Variants in FTO observed in about 807,000 individuals in gnomAD.
FTO encodes the protein FTO alpha-ketoglutarate dependent dioxygenase, also known as alpha-ketoglutarate-dependent dioxygenase FTO.
FTO carries 47 observed loss-of-function variants against 63.9 expected under a neutral mutation model. The ratio of observed to expected loss-of-function variants is 0.74; its 90% CI spans 0.58 to 0.94. The LOEUF is 0.94. FTO is among the 40% of genes least tolerant of loss of function. The pLI is 0.00. For synonymous variants in FTO, 207 were observed against 224.4 expected (o/e 0.92, Z 0.69); for missense variants, 562 against 618.1 (o/e 0.91, Z 0.96).
chr16:53,804,504 A>C (rs1243698693), intron 1 of FTO, among the ~76,000 whole-genome samples: 1 of 152,162 alleles, frequency 6.6e-6, no homozygotes, highest in African/African-American at 2.4e-5. Flanking sequence ...TGGAGAGGGA[A>C]GTTTTTCGTA....
At chr16:54,093,339 T>C (rs2086438809) in intron 8 of FTO, among the ~76,000 whole-genome samples, 1 of 152,204 alleles carries the variant, frequency 6.6e-6, no homozygotes, top group African/African-American at 2.4e-5. Context: ...TAATGGAGCC[T>C]CCGTAAAGTA....
At chr16:53,745,762 G>A (rs74018198) in intron 1 of FTO, among the ~76,000 whole-genome samples, 90 of 152,210 alleles carry the variant, frequency 5.9e-4, no homozygotes, top group African/African-American at 2.1e-3. Flanking sequence ...TGAGGGTTCC[G>A]TTGCTTTGGA....
In FTO at chr16:53,960,135, A is replaced by G. The variant is rs537681642; in HGVS notation, c.1364+26026A>G. 5.9e-5 allele frequency among the ~76,000 whole-genome samples: 9 copies of G among 152,280 alleles called. No individual in the cohort carries two copies. The South Asian group carries it at 1.7e-3, about 28-fold the overall frequency. On this transcript the variant is annotated intron_variant, in intron 8 of 8. Coordinates refer to ENST00000471389, the MANE Select transcript of FTO (RefSeq NM_001080432.3). The stretch of plus-strand genomic sequence containing the variant: ...AACAGAATGACAGTCATACTTTGTT[A>G]AAGATGCAATGGGGTCATCTCTTCT...
chr16:54,071,086 A>C (rs551093705), intron 8 of FTO: 28 of 152,268 alleles, frequency 1.8e-4, no homozygotes, highest in African/African-American at 6.8e-4. Flanking sequence ...GCTCAGTCTC[A>C]TGGCAGCCAG....
intron 1 of FTO, among the ~76,000 whole-genome samples, chr16:53,784,411 G>T (rs896871322): frequency 6.6e-6 from 1 of 152,146 alleles, no homozygotes; most frequent in African/African-American, 2.4e-5. Context: ...TGGTTATATG[G>T]TGACTTTCAA....
At chr16:53,876,663 A>G (rs1169510512) in intron 5 of FTO, among the ~76,000 whole-genome samples, 1 of 152,256 alleles carries the variant, frequency 6.6e-6, no homozygotes, top group Non-Finnish European at 1.5e-5. Flanking sequence ...GCAGTGGCTC[A>G]TGCCTGTAAT....
chr16:53,776,953 C>G (rs979021454), intron 1 of FTO, among the ~76,000 whole-genome samples: 25 of 152,030 alleles, frequency 1.6e-4, no homozygotes, highest in African/African-American at 5.8e-4. Context: ...TTTTAATTGA[C>G]AATAATTATC....
At chr16:53,929,724 G>GTATGTAAA (rs1159808478) in intron 7 of FTO, among the ~76,000 whole-genome samples, 1 of 152,210 alleles carries the variant, frequency 6.6e-6, no homozygotes, top group Non-Finnish European at 1.5e-5. Flanking sequence ...GGCAAATTGT[G>GTATGTAAA]TTTCGCAGTG....
In FTO at chr16:54,019,406, TTA is replaced by T. The variant is rs539961704; in HGVS notation, c.1364+85299_1364+85300del. ...GCCTCCCATAGGCATCATGATTTTT[TTA>T]TGCCTCTGCCATACTCATAGAACCA... On this transcript the variant is annotated intron_variant, in intron 8 of 8. Coordinates refer to ENST00000471389, the MANE Select transcript of FTO (RefSeq NM_001080432.3). Among the ~76,000 whole-genome samples the T allele has an allele frequency of 6.6e-5, 10 of 152,348 alleles. No individual in the cohort carries two copies. In the South Asian group the frequency reaches 1.9e-3, roughly 28 times the overall value.
intron 8 of FTO, chr16:53,981,170 TA>T (rs2083533572): frequency 6.6e-6 from 1 of 151,996 alleles, no homozygotes; most frequent in East Asian, 1.9e-4. Flanking sequence ...ACAACAAGTT[TA>T]AAAATTAGCT....
Position 53,953,508 on chromosome 16 carries a change from T to C in FTO, c.1364+19399T>C, listed in dbSNP as rs187069731. 8.5e-5 allele frequency among the ~76,000 whole-genome samples: 13 copies of C among 152,334 alleles called. No homozygotes were observed. In the East Asian group the frequency reaches 2.5e-3, roughly 29 times the overall value. ...CAAGACAAACAGTAACCATTTATAG[T>C]CACCCAGACCAGTTTGAATTTCACT... On this transcript the variant is annotated intron_variant, in intron 8 of 8. Transcript: ENST00000471389.
chr16:53,969,353 G>C (rs1157580644), intron 8 of FTO, among the ~76,000 whole-genome samples: 1 of 152,050 alleles, frequency 6.6e-6, no homozygotes, highest in Non-Finnish European at 1.5e-5. Context: ...AAGGACATTC[G>C]GCCCAGAGCC....
intron 1 of FTO, among the ~76,000 whole-genome samples, chr16:53,766,608 C>T (rs887566722): frequency 1.3e-5 from 2 of 152,068 alleles, no homozygotes; most frequent in Non-Finnish European, 2.9e-5. Flanking sequence ...TCCCTTTGGA[C>T]AGTCACATGA....
chr16:53,707,336 T>C (rs2075650114), intron 1 of FTO, among the ~76,000 whole-genome samples: 1 of 152,170 alleles, frequency 6.6e-6, no homozygotes. Context: ...CTCAAATCTC[T>C]CTCTCCTTTC....
At chr16:53,963,814 A>G (rs1051416663) in intron 8 of FTO, among the ~76,000 whole-genome samples, 2 of 152,178 alleles carry the variant, frequency 1.3e-5, no homozygotes, top group Non-Finnish European at 2.9e-5. Context: ...GTGCAGTAGC[A>G]CGATCTTAGC....
chr16:54,008,284 T>C (rs760993015), intron 8 of FTO: 2 of 152,194 alleles, frequency 1.3e-5, no homozygotes, highest in African/African-American at 2.4e-5. Context: ...GAAATACTCC[T>C]ATACTTCTTC....
intron 1 of FTO, among the ~76,000 whole-genome samples, chr16:53,792,773 CT>C (rs1247340937): frequency 1.3e-5 from 2 of 152,134 alleles, no homozygotes; most frequent in African/African-American, 4.8e-5. Context: ...GAGAATTTGG[CT>C]TTTTCATCTG....
chr16:53,763,667 G>A (rs1039294284), intron 1 of FTO, among the ~76,000 whole-genome samples: 2 of 152,202 alleles, frequency 1.3e-5, no homozygotes, highest in East Asian at 3.8e-4. Flanking sequence ...AGTCAAGGTA[G>A]TAATGTTGGA....
chr16:53,835,536 TTTATC>T (rs1288956371), intron 3 of FTO, among the ~76,000 whole-genome samples: 6 of 152,208 alleles, frequency 3.9e-5, no homozygotes, highest in Non-Finnish European at 7.3e-5. Context: ...ATTACTGTCT[TTTATC>T]TTACAGTGTT....
Sources: allele counts gnomAD v4.1 joint callset (sites outside exome capture counted in the v4.1 genomes callset), GRCh38; gene constraint gnomAD v4.1.1; transcripts MANE v1.5; gene names NCBI Gene and HGNC (gene_info 2026-07-23, HGNC 2026-07-21).